ZNF729: variants seen among roughly 807,000 people sequenced by gnomAD.
ZNF729 encodes the protein zinc finger protein 729.
ZNF729 carries 15 observed loss-of-function variants against 12.2 expected under a neutral mutation model. The ratio of observed to expected loss-of-function variants is 1.23; its 90% CI spans 0.82 to 1.89. The LOEUF (loss-of-function observed/expected upper bound fraction) is 1.89, where lower values mean the gene tolerates loss of function less well. Ranked by LOEUF, ZNF729 falls within the 40% of genes most tolerant of loss-of-function variation. ZNF729 has a pLI of 0.00. For missense variants in ZNF729, 1,540 were observed against 1,456.7 expected, an observed-to-expected ratio of 1.06 and a Z score of -0.93; for synonymous variants, 492 against 476.3, an observed-to-expected ratio of 1.03 and a Z score of -0.43.
rs1160488647 is a variant in ZNF729 at position 22,315,423 on chromosome 19, C to T, written c.2006C>T (p.Ser669Leu). Residue 669 changes from serine (S) to leucine (L), a missense_variant, in exon 4 of 4, where the codon TCA becomes TTA. By Grantham distance (145) the Ser-to-Leu change is moderately radical. Transcript: ENST00000601693. ...TGTGGCAAAGCTTTTAGCCATTTCT[C>T]AGCCCTTAGAAGACATAAGATAATT... Reference protein sequence around the residue: ...EECGKAFSHFSALRRHKIIHT... With the variant: ...EECGKAFSHFLALRRHKIIHT... 2 of 1,613,134 alleles carry T rather than the reference C, an allele frequency of 1.2e-6. No individual in the cohort carries two copies. Among genetic ancestry groups the T allele is most frequent in the South Asian group, 1.1e-5 (1 of 91,030 alleles).
In ZNF729 at chr19:22,313,971, G is replaced by A; in HGVS notation, c.554G>A (p.Cys185Tyr). 6.5e-7 allele frequency: 1 copy of A among 1,538,760 alleles called. No individual in the cohort carries two copies. Among genetic ancestry groups the A allele is most frequent in the Non-Finnish European group, 8.7e-7 (1 of 1,145,140 alleles). The change falls in exon 4 of 4, where the codon TGT becomes TAT. Residue 185 changes from cysteine (C) to tyrosine (Y), a missense_variant. By Grantham distance (194) the Cys-to-Tyr change is radical. Coordinates refer to ENST00000601693, the MANE Select transcript of ZNF729 (RefSeq NM_001242680.2). ...AAGAAAACTTTCAAATGTATAAAAT[G>A]TAGCAAATCATTTTTCATGCTTTCA... ...TKKKTFKCIK[C>Y]SKSFFMLSCL...
chr19:22,287,119 G>A (rs1479276270), intron 1 of ZNF729, among the ~76,000 whole-genome samples: 2 of 152,064 alleles, frequency 1.3e-5, no homozygotes, highest in East Asian at 3.8e-4. Context: ...GTTATGTACA[G>A]TTACGTAGTT....
intron 1 of ZNF729, among the ~76,000 whole-genome samples, chr19:22,289,463 G>C (rs1425535677): frequency 2.0e-5 from 3 of 151,982 alleles, no homozygotes; most frequent in Non-Finnish European, 4.4e-5. Flanking sequence ...CTGACCTTAT[G>C]ATCCACCCGC....
At position 22,307,193 on chromosome 19, in the gene ZNF729, T is replaced by C. The variant is rs73552315; in HGVS notation, c.253+2410T>C. Among the ~76,000 whole-genome samples, 775 of 152,126 alleles carry C rather than the reference T, an allele frequency of 5.1e-3. 7 individuals carry two copies. The highest frequency in any genetic ancestry group is 0.018 in the African/African-American group (741 of 41,550). The stretch of plus-strand genomic sequence containing the variant: ...ATTTTAGCATTTCTCTTGTTATATA[T>C]GCAGAGTCTCACTATGTTTTTGTGC... On this transcript the variant is annotated intron_variant, in intron 3 of 3. Coordinates refer to ENST00000601693, the MANE Select transcript of ZNF729 (RefSeq NM_001242680.2).
At chr19:22,306,575 CTTATT>C (rs1233668657) in intron 3 of ZNF729, among the ~76,000 whole-genome samples, 4 of 149,374 alleles carry the variant, frequency 2.7e-5, no homozygotes, top group South Asian at 2.1e-4. Context: ...GCACGCTTTG[CTTATT>C]TTATTTTGTT....
Position 22,315,659 on chromosome 19 carries a change from T to C in ZNF729, c.2242T>C (p.Ser748Pro). Residue 748 changes from serine to proline, a missense_variant, in exon 4 of 4, where the codon TCT (serine) becomes CCT (proline). Transcript: ENST00000601693. ...CTGCAAATGTGAAGAATGTGGCAAA[T>C]CTTTTAAGCATTTCTCAGCCCTTAG... ...KPCKCEECGK[S>P]FKHFSALRKH... 6.3e-7 allele frequency: 1 copy of C among 1,586,092 alleles called. No homozygotes were observed. The highest frequency in any genetic ancestry group is 8.5e-7 in the Non-Finnish European group (1 of 1,170,696).
chr19:22,286,866 G>A (rs1245846859), intron 1 of ZNF729, among the ~76,000 whole-genome samples: 4 of 152,212 alleles, frequency 2.6e-5, no homozygotes, highest in Admixed American at 6.5e-5. Context: ...CGTCAGGGGA[G>A]AATCCTGACT....
chr19:22,305,797 T>TTTAA (rs764956429), intron 3 of ZNF729, among the ~76,000 whole-genome samples: 6 of 152,150 alleles, frequency 3.9e-5, no homozygotes, highest in Non-Finnish European at 5.9e-5. Context: ...TTCTTTTTCT[T>TTTAA]TTAATTAATT....
intron 1 of ZNF729, among the ~76,000 whole-genome samples, chr19:22,290,357 G>A (rs1322080849): frequency 3.3e-5 from 5 of 152,214 alleles, no homozygotes; most frequent in African/African-American, 1.2e-4. Flanking sequence ...GTAGTTTCTA[G>A]ACTTTGTAAA....
At position 22,314,717 on chromosome 19, in the gene ZNF729, T is replaced by A; in HGVS notation, c.1300T>A (p.Cys434Ser). 6.2e-7 allele frequency: 1 copy of A among 1,612,928 alleles called. No individual in the cohort carries two copies. Among genetic ancestry groups the A allele is most frequent in the Non-Finnish European group, 8.5e-7 (1 of 1,179,792 alleles). Residue 434 changes from cysteine (C) to serine (S), a missense_variant, in exon 4 of 4, where the codon TGT (cysteine) becomes AGT (serine). Coordinates refer to ENST00000601693, the MANE Select transcript of ZNF729 (RefSeq NM_001242680.2). The part of the protein sequence containing the change: ...IIHTGKKPYK[C>S]EECGKAFNSS... ...TCATACTGGAAAGAAACCCTACAAA[T>A]GTGAAGAATGTGGCAAAGCTTTTAA...
At chr19:22,298,637 C>G (rs1324983670) in intron 1 of ZNF729, among the ~76,000 whole-genome samples, 1 of 152,132 alleles carries the variant, frequency 6.6e-6, no homozygotes, top group African/African-American at 2.4e-5. Flanking sequence ...CCTCAGCCTC[C>G]CTAGTAGCTG....
chr19:22,290,336 A>G (rs1013111565), intron 1 of ZNF729, among the ~76,000 whole-genome samples: 4 of 152,170 alleles, frequency 2.6e-5, no homozygotes, highest in Non-Finnish European at 5.9e-5. Flanking sequence ...TGAAATTGTT[A>G]TTGTTTTGTG....
chr19:22,310,611 G>C (rs1968439518), intron 3 of ZNF729, among the ~76,000 whole-genome samples: 1 of 151,936 alleles, frequency 6.6e-6, no homozygotes, highest in Non-Finnish European at 1.5e-5. Flanking sequence ...ACTATTTTAA[G>C]GATTTTAGCA....
chr19:22,314,366 G>A lies in ZNF729; in HGVS notation c.949G>A (p.Glu317Lys), dbSNP rs1968492282. The change falls in exon 4 of 4, where the codon GAG becomes AAG. Residue 317 changes from glutamate (E) to lysine (K), a missense_variant. Transcript: ENST00000601693. ...TGCACATAAGGTAATTCATACTGCA[G>A]AGAAACCCTACAAATGTGAAGATTG... is the stretch of plus-strand genomic sequence containing the variant. ...FNAHKVIHTA[E>K]KPYKCEDCGK... is the part of the protein sequence containing the mutation. 6.3e-7 allele frequency: 1 copy of A among 1,593,640 alleles called. No homozygotes were observed. Among genetic ancestry groups the A allele is most frequent in the Non-Finnish European group, 8.6e-7 (1 of 1,167,470 alleles).
intron 1 of ZNF729, among the ~76,000 whole-genome samples, chr19:22,294,889 T>C (rs1296015026): frequency 6.6e-6 from 1 of 152,014 alleles, no homozygotes; most frequent in Admixed American, 6.6e-5. Flanking sequence ...TCTCCTGACC[T>C]CAAATGACCC....
In ZNF729 at chr19:22,316,356, C is replaced by G. The variant is rs1331641785; in HGVS notation, c.2939C>G (p.Thr980Ser). Residue 980 changes from threonine to serine, a missense_variant, in exon 4 of 4, where the codon ACT becomes AGT. Thr to Ser is a moderately conservative substitution (Grantham distance 58, BLOSUM62 1). Transcript: ENST00000601693. ...GCTTTTAAGCAATCCTCACATCTTA[C>G]TAGACATAAAGCAATTCATACTGGG... ...GKAFKQSSHL[T>S]RHKAIHTGEK... 1 of 1,613,354 alleles carries G rather than the reference C, an allele frequency of 6.2e-7. No homozygotes were observed. The highest frequency in any genetic ancestry group is 2.2e-5 in the East Asian group (1 of 44,826).
intron 1 of ZNF729, chr19:22,298,906 C>T (rs1021035596): frequency 1.3e-5 from 2 of 152,206 alleles, no homozygotes; most frequent in Admixed American, 1.3e-4. Flanking sequence ...ACCATAATAG[C>T]TCTTTAGTTA....
intron 1 of ZNF729, among the ~76,000 whole-genome samples, chr19:22,302,514 C>T (rs1968323760): frequency 6.6e-6 from 1 of 152,260 alleles, no homozygotes; most frequent in Non-Finnish European, 1.5e-5. Flanking sequence ...ATAAAATTAC[C>T]CTAGGAACCA....
chr19:22,309,883 T>A (rs1168463663), intron 3 of ZNF729, among the ~76,000 whole-genome samples: 1 of 152,094 alleles, frequency 6.6e-6, no homozygotes, highest in African/African-American at 2.4e-5. Flanking sequence ...GTGGTTTCTT[T>A]TAGCAGTGTT....
Sources: gnomAD v4.1 joint callset for allele counts (sites outside exome capture counted in the v4.1 genomes callset) on GRCh38, gnomAD v4.1.1 for gene constraint, MANE v1.5 for transcripts, NCBI Gene and HGNC (gene_info 2026-07-23, HGNC 2026-07-21) for gene names.